Variants in SIPA1L2 observed in about 807,000 individuals in gnomAD.
SIPA1L2 encodes signal-induced proliferation-associated 1-like protein 2.
A neutral mutation model predicts 163.9 loss-of-function variants in SIPA1L2; 56 were observed. The ratio of observed to expected loss-of-function variants is 0.34; its 90% CI spans 0.28 to 0.43. The LOEUF (loss-of-function observed/expected upper bound fraction) is 0.43. Among genes scored for constraint, SIPA1L2 ranks in the 20% least tolerant of loss-of-function variants. The probability of loss-of-function intolerance (pLI) is 1.00; values close to 1 mark genes in which losing one functional copy is unlikely to be tolerated. For synonymous variants in SIPA1L2, 877 were observed against 865.7 expected (o/e 1.01, Z -0.23); for missense variants, 1,974 against 2,193.5 (o/e 0.90, Z 2.00).
chr1:232,479,773 A>G (rs1470963886), intron 6 of SIPA1L2, 43 bp from the exon 7 acceptor site: 3 of 1,533,028 alleles, frequency 2.0e-6, no homozygotes, highest in Non-Finnish European at 2.7e-6. Context: ...AAGCTGCTAC[A>G]AAATTAGTGC....
At chr1:232,428,695 A>G in intron 16 of SIPA1L2, 131 bp from the exon 17 acceptor site, 1 of 566,908 alleles carries the variant, frequency 1.8e-6, no homozygotes, top group East Asian at 3.3e-5. Context: ...AAGTCAGTTC[A>G]CTTTTGCTGC....
At chr1:232,456,914 T>C (rs967871856) in intron 10 of SIPA1L2, among the ~76,000 whole-genome samples, 1 of 152,130 alleles carries the variant, frequency 6.6e-6, no homozygotes, top group African/African-American at 2.4e-5. Context: ...CACTCCAGGA[T>C]CCAATCCCAG....
In SIPA1L2 at chr1:232,424,322, C is replaced by CAAAAAAA. The variant is rs55961523; in HGVS notation, c.4630+1260_4630+1266dup. ...TCTATTTTTTTTTAAGTGAAGCTAA[C>CAAAAAAA]AAAAAAAAAAAAAAAAAAAAAAAAA... On this transcript the variant is annotated intron_variant, in intron 18 of 22. Coordinates refer to ENST00000674635, the MANE Select transcript of SIPA1L2 (RefSeq NM_020808.5). 7.9e-4 allele frequency among the ~76,000 whole-genome samples: 57 copies of CAAAAAAA among 71,774 alleles called. 2 individuals carry two copies. The highest frequency in any genetic ancestry group is 9.7e-4 in the Non-Finnish European group (37 of 38,082). The allele number at this position is 71,774 out of a possible 152,430, so 47.1% of individuals were successfully genotyped here.
At chr1:232,406,817 T>C (rs1165476033) in intron 19 of SIPA1L2, among the ~76,000 whole-genome samples, 1 of 152,258 alleles carries the variant, frequency 6.6e-6, no homozygotes, top group East Asian at 1.9e-4. Flanking sequence ...AGATGGAACA[T>C]CCAAGTACGA....
intron 1 of SIPA1L2, among the ~76,000 whole-genome samples, chr1:232,600,323 C>A (rs1193654952): frequency 1.3e-5 from 2 of 152,158 alleles, no homozygotes; most frequent in Admixed American, 6.5e-5. Flanking sequence ...AAAATCAACT[C>A]TTTTTTTCCA....
At position 232,551,825 on chromosome 1, in the gene SIPA1L2, A is replaced by T. The variant is rs574985768; in HGVS notation, c.-270+22349T>A. Among the ~76,000 whole-genome samples, 49 of 152,322 alleles carry T rather than the reference A, an allele frequency of 3.2e-4. No individual in the cohort carries two copies. The South Asian group carries it at 1.0e-2, about 31-fold the overall frequency. ...ATTTTAACTTTTCCATGAGAACAATAAGGTTATTTTTTATTTATTTATTTT... is the reference window on the plus strand; with the variant it reads ...ATTTTAACTTTTCCATGAGAACAATTAGGTTATTTTTTATTTATTTATTTT... On this transcript the variant is annotated intron_variant, in intron 2 of 22. Transcript: ENST00000674635.
intron 3 of SIPA1L2, among the ~76,000 whole-genome samples, chr1:232,512,946 T>C (rs1342429601): frequency 1.3e-5 from 2 of 152,174 alleles, no homozygotes; most frequent in African/African-American, 4.8e-5. Flanking sequence ...AGGTTATCCC[T>C]GGATCCCTGG....
chr1:232,497,941 G>A (rs1321255663), intron 3 of SIPA1L2, among the ~76,000 whole-genome samples: 1 of 152,038 alleles, frequency 6.6e-6, no homozygotes, highest in Admixed American at 6.6e-5. Flanking sequence ...AAAGGTCTAG[G>A]GAAGCACACT....
chr1:232,586,277 A>C (rs2102816522), intron 1 of SIPA1L2, among the ~76,000 whole-genome samples: 1 of 152,304 alleles, frequency 6.6e-6, no homozygotes, highest in South Asian at 2.1e-4. Context: ...AGACATTCAT[A>C]AATTGAATGT....
At chr1:232,508,007 T>C (rs551904056) in intron 3 of SIPA1L2, among the ~76,000 whole-genome samples, 2 of 152,306 alleles carry the variant, frequency 1.3e-5, no homozygotes, top group South Asian at 4.1e-4. Flanking sequence ...TTTTCTACAT[T>C]TTCTTATTTT....
chr1:232,521,024 G>A (rs1667437691), intron 2 of SIPA1L2, among the ~76,000 whole-genome samples: 1 of 152,096 alleles, frequency 6.6e-6, no homozygotes, highest in Non-Finnish European at 1.5e-5. Flanking sequence ...TGATATACAA[G>A]TTCAATAATA....
At chr1:232,484,042 G>A in intron 5 of SIPA1L2, 76 bp from the exon 6 acceptor site, 1 of 1,382,912 alleles carries the variant, frequency 7.2e-7, no homozygotes, top group East Asian at 2.3e-5. Context: ...TAAAACTACA[G>A]AAGCTGAGAA....
intron 3 of SIPA1L2, among the ~76,000 whole-genome samples, chr1:232,494,731 GA>G (rs1458186420): frequency 6.6e-6 from 1 of 152,116 alleles, no homozygotes; most frequent in Non-Finnish European, 1.5e-5. Context: ...AAAATAGTGG[GA>G]ACAATTACCC....
chr1:232,548,542 T>C (rs977129176), intron 2 of SIPA1L2, among the ~76,000 whole-genome samples: 2 of 152,226 alleles, frequency 1.3e-5, no homozygotes, highest in Non-Finnish European at 2.9e-5. Flanking sequence ...ACTTTATTCA[T>C]TTACTCTTTC....
intron 3 of SIPA1L2, among the ~76,000 whole-genome samples, chr1:232,500,563 T>C (rs1479614538): frequency 1.3e-5 from 2 of 152,178 alleles, no homozygotes; most frequent in Non-Finnish European, 2.9e-5. Context: ...ATGGTAGAAA[T>C]AGCAAGAGAA....
At chr1:232,571,006 T>C (rs1298426701) in intron 2 of SIPA1L2, among the ~76,000 whole-genome samples, 1 of 142,694 alleles carries the variant, frequency 7.0e-6, no homozygotes, top group Non-Finnish European at 1.5e-5. Context: ...ACATACTTGA[T>C]AAAAGAGAAC....
chr1:232,608,122 C>A (rs984555279), intron 1 of SIPA1L2, among the ~76,000 whole-genome samples: 2 of 151,242 alleles, frequency 1.3e-5, no homozygotes, highest in South Asian at 4.2e-4. Flanking sequence ...TCTCAGCTCA[C>A]CACAACTTCC....
At chr1:232,566,790 G>A (rs1370797237) in intron 2 of SIPA1L2, among the ~76,000 whole-genome samples, 1 of 152,114 alleles carries the variant, frequency 6.6e-6, no homozygotes, top group African/African-American at 2.4e-5. Context: ...AGGGCTTTAG[G>A]TTACCAATGG....
At chr1:232,469,978 G>A (rs1664720181) in intron 8 of SIPA1L2, among the ~76,000 whole-genome samples, 1 of 151,836 alleles carries the variant, frequency 6.6e-6, no homozygotes, top group Admixed American at 6.6e-5. Context: ...GTAATTTAAA[G>A]TACTCCATTT....
Sources: allele counts gnomAD v4.1 joint callset (sites outside exome capture counted in the v4.1 genomes callset), GRCh38; gene constraint gnomAD v4.1.1; transcripts MANE v1.5; gene names NCBI Gene and HGNC (gene_info 2026-07-23, HGNC 2026-07-21).